The following SSBP2 variants were observed in gnomAD, a reference collection of about 807,000 sequenced individuals.
The protein encoded by SSBP2 is single stranded DNA binding protein 2, also known as single-stranded DNA-binding protein 2.
Under a neutral mutation model 61.8 loss-of-function variants are expected in SSBP2, and 17 were observed. The observed-to-expected ratio is 0.28, with a 90% confidence interval of 0.19 to 0.41. The LOEUF (loss-of-function observed/expected upper bound fraction) is 0.41. Among genes scored for constraint, SSBP2 ranks in the 10% least tolerant of loss-of-function variants. The pLI is 1.00. For missense variants in SSBP2, 310 were observed against 458.7 expected, an observed-to-expected ratio of 0.68 and a Z score of 2.96; for synonymous variants, 139 against 141.3, an observed-to-expected ratio of 0.98 and a Z score of 0.12.
In SSBP2 at chr5:81,414,529, T is replaced by A. The variant is rs773354510; in HGVS notation, c.*5975A>T. 9.2e-5 allele frequency: 14 copies of A among 152,266 alleles called. No homozygotes were observed. The highest frequency in any genetic ancestry group is 3.4e-3 in the Middle Eastern group (1 of 294). 9.4% of individuals were successfully genotyped at this position (152,266 alleles called of 1,614,324 possible). A position where few individuals can be genotyped will look rare whatever the true frequency, so the allele number is the denominator to read the frequency against. ...ATTACAGTTCATGGGTAAAGCTAAC[T>A]TTTTTTGTGTGAAATAAGTTAATAA... On this transcript the variant is annotated 3_prime_UTR_variant, in exon 17 of 17. Transcript: ENST00000320672.
At chr5:81,684,958 G>A (rs1752663980) in intron 1 of SSBP2, among the ~76,000 whole-genome samples, 1 of 152,116 alleles carries the variant, frequency 6.6e-6, no homozygotes, top group Non-Finnish European at 1.5e-5. Flanking sequence ...ATCTCATGGG[G>A]AATTGGAGGA....
chr5:81,500,050 CTGATA>C (rs1767581847), intron 5 of SSBP2, among the ~76,000 whole-genome samples: 1 of 152,122 alleles, frequency 6.6e-6, no homozygotes, highest in Non-Finnish European at 1.5e-5. Flanking sequence ...GCTTGATCTT[CTGATA>C]TAACTGGCTG....
chr5:81,610,871 G>A (rs1184971601), intron 4 of SSBP2, among the ~76,000 whole-genome samples: 1 of 152,164 alleles, frequency 6.6e-6, no homozygotes, highest in Admixed American at 6.5e-5. Flanking sequence ...GCACAGGCCT[G>A]TAATCCCAGC....
At chr5:81,621,872 C>T (rs1254239188) in intron 3 of SSBP2, among the ~76,000 whole-genome samples, 4 of 124,370 alleles carry the variant, frequency 3.2e-5, no homozygotes, top group South Asian at 5.8e-4. Flanking sequence ...AACCAAACAC[C>T]GCATATTCTC....
chr5:81,535,825 T>C (rs1325782678), intron 4 of SSBP2, among the ~76,000 whole-genome samples: 1 of 151,734 alleles, frequency 6.6e-6, no homozygotes, highest in Non-Finnish European at 1.5e-5. Context: ...TAATAACATA[T>C]AATAAAATCA....
intron 15 of SSBP2, among the ~76,000 whole-genome samples, chr5:81,434,038 T>C (rs748680950): frequency 2.6e-5 from 4 of 152,344 alleles, no homozygotes; most frequent in South Asian, 2.1e-4. Flanking sequence ...AGGCAGGGAA[T>C]GAACTAAAAT....
chr5:81,505,559 C>T (rs538987880), intron 5 of SSBP2, among the ~76,000 whole-genome samples: 3 of 152,112 alleles, frequency 2.0e-5, no homozygotes, highest in East Asian at 3.9e-4. Flanking sequence ...TATAAATAGC[C>T]TTTGCATATT....
At chr5:81,436,228 A>C (rs1291650790) in intron 15 of SSBP2, among the ~76,000 whole-genome samples, 1 of 151,180 alleles carries the variant, frequency 6.6e-6, no homozygotes, top group Non-Finnish European at 1.5e-5. Context: ...CTGAGAGCCA[A>C]CACAATCATG....
chr5:81,727,355 G>C (rs1755960438), intron 1 of SSBP2, among the ~76,000 whole-genome samples: 1 of 152,174 alleles, frequency 6.6e-6, no homozygotes, highest in African/African-American at 2.4e-5. Flanking sequence ...TTCGAGACCA[G>C]CCTGACCAAC....
chr5:81,431,927 T>C (rs193085734), intron 15 of SSBP2, among the ~76,000 whole-genome samples: 1 of 152,320 alleles, frequency 6.6e-6, no homozygotes, highest in Non-Finnish European at 1.5e-5. Context: ...CCTTCTCCCA[T>C]CCTCAAAAAT....
At chr5:81,513,117 A>G (rs1405112498) in intron 5 of SSBP2, among the ~76,000 whole-genome samples, 1 of 152,090 alleles carries the variant, frequency 6.6e-6, no homozygotes, top group Admixed American at 6.5e-5. Context: ...CATGTATTTG[A>G]AATCTGATCT....
intron 4 of SSBP2, among the ~76,000 whole-genome samples, chr5:81,563,713 C>G (rs1773219453): frequency 6.6e-6 from 1 of 151,988 alleles, no homozygotes; most frequent in African/African-American, 2.4e-5. Context: ...GAAATTAGAC[C>G]CTTATCTTAT....
chr5:81,655,476 T>G (rs1750133848), intron 1 of SSBP2, among the ~76,000 whole-genome samples: 1 of 152,206 alleles, frequency 6.6e-6, no homozygotes, highest in African/African-American at 2.4e-5. Flanking sequence ...CATACATCTT[T>G]AAATTATCTT....
chr5:81,641,512 G>A (rs982751272), intron 2 of SSBP2, among the ~76,000 whole-genome samples: 3 of 152,138 alleles, frequency 2.0e-5, no homozygotes, highest in African/African-American at 7.2e-5. Context: ...TATAGTTATT[G>A]AATGAACCAC....
chr5:81,680,730 C>T (rs368538043), intron 1 of SSBP2, among the ~76,000 whole-genome samples: 11 of 152,108 alleles, frequency 7.2e-5, no homozygotes, highest in African/African-American at 2.2e-4. Context: ...AACTTTAATG[C>T]GTATGCACTT....
At position 81,550,823 on chromosome 5, in the gene SSBP2, G is replaced by A. The variant is rs143654890; in HGVS notation, c.283-37106C>T. 5.6e-3 allele frequency among the ~76,000 whole-genome samples: 849 copies of A among 152,290 alleles called. 3 individuals carry two copies. The highest frequency in any genetic ancestry group is 0.017 in the Middle Eastern group (5 of 294). On this transcript the variant is annotated intron_variant, in intron 4 of 16. Coordinates refer to ENST00000320672, the MANE Select transcript of SSBP2 (RefSeq NM_012446.5). ...TTAGAAATCATAGAAGAGGCCAGGC[G>A]CGGTGGCTCACACCTGTAATCCCAG...
intron 4 of SSBP2, among the ~76,000 whole-genome samples, chr5:81,525,500 G>A (rs927541118): frequency 1.3e-5 from 2 of 151,928 alleles, no homozygotes; most frequent in South Asian, 4.1e-4. Context: ...ACATTCTTGA[G>A]AGTTCTTTCC....
chr5:81,671,839 G>T (rs1258535431), intron 1 of SSBP2, among the ~76,000 whole-genome samples: 1 of 152,086 alleles, frequency 6.6e-6, no homozygotes, highest in African/African-American at 2.4e-5. Flanking sequence ...AAGAAACCAT[G>T]GAAGAGGTTC....
chr5:81,745,605 C>T (rs957725539), intron 1 of SSBP2, among the ~76,000 whole-genome samples: 2 of 152,040 alleles, frequency 1.3e-5, no homozygotes, highest in Non-Finnish European at 2.9e-5. Context: ...GTAATTCCCA[C>T]ACCAATGGCA....
Sources: allele counts gnomAD v4.1 joint callset (sites outside exome capture counted in the v4.1 genomes callset), GRCh38; gene constraint gnomAD v4.1.1; transcripts MANE v1.5; gene names NCBI Gene and HGNC (gene_info 2026-07-23, HGNC 2026-07-21).